AFG3L2: variants seen among roughly 807,000 people sequenced by gnomAD.
AFG3L2 encodes the protein AFG3 like matrix AAA peptidase subunit 2, also known as mitochondrial inner membrane m-AAA protease component AFG3L2.
In AFG3L2, 54 loss-of-function variants were observed where a neutral mutation model predicts 94.5. The observed-to-expected ratio is 0.57, with a 90% CI of 0.46 to 0.72. The LOEUF is 0.72. AFG3L2 is among the 30% of genes least tolerant of loss of function. AFG3L2 has a pLI of 0.00. For missense variants in AFG3L2, 754 were observed against 994.9 expected (o/e 0.76, Z 3.26); for synonymous variants, 377 against 365.5 (o/e 1.03, Z -0.36).
intron 15 of AFG3L2, among the ~76,000 whole-genome samples, chr18:12,339,981 C>T (rs1215148879): frequency 6.6e-6 from 1 of 151,656 alleles, no homozygotes; most frequent in Non-Finnish European, 1.5e-5. Context: ...GATAGAGCCA[C>T]TGCACTCCAG....
At position 12,329,352 on chromosome 18, in the gene AFG3L2, T is replaced by A; in HGVS notation, c.*213A>T. 3.0e-6 allele frequency: 2 copies of A among 672,208 alleles called. No individual in the cohort carries two copies. Among genetic ancestry groups the A allele is most frequent in the South Asian group, 3.3e-5 (2 of 61,240 alleles). 41.6% of individuals were successfully genotyped at this position (672,208 alleles called of 1,614,324 possible). On this transcript the variant is annotated 3_prime_UTR_variant, in exon 17 of 17. Transcript: ENST00000269143. ...GGAGCCCAATGAGGCTATGGGACAG[T>A]GTGCATTTCCCTCAAGGCCTCCGGA...
intron 5 of AFG3L2, 32 bp from the exon 6 acceptor site, chr18:12,363,888 T>C (rs1253081281): frequency 6.7e-7 from 1 of 1,497,412 alleles, no homozygotes; most frequent in East Asian, 2.3e-5. Flanking sequence ...CACACATAAA[T>C]TCACAGAAAA....
chr18:12,356,566 C>T, intron 9 of AFG3L2, 128 bp downstream of exon 9: 1 of 1,369,598 alleles, frequency 7.3e-7, no homozygotes, highest in Non-Finnish European at 1.0e-6. Context: ...GAGGAGAGCT[C>T]AGGCCAGGGA....
chr18:12,363,937 T>A, intron 5 of AFG3L2, 81 bp from the exon 6 acceptor site: 1 of 1,081,764 alleles, frequency 9.2e-7, no homozygotes, highest in Admixed American at 1.7e-5. Context: ...AAAATGCATA[T>A]GATGTTTCAG....
chr18:12,352,356 T>C (rs1177792365), intron 10 of AFG3L2, among the ~76,000 whole-genome samples: 1 of 151,682 alleles, frequency 6.6e-6, no homozygotes, highest in Non-Finnish European at 1.5e-5. Flanking sequence ...AGTTCAGTAC[T>C]GGCACTGTGC....
Position 12,376,964 on chromosome 18 carries a change from C to T in AFG3L2, c.114+5G>A, listed in dbSNP as rs1909179730. 2 of 1,456,122 alleles carry T rather than the reference C, an allele frequency of 1.4e-6. No homozygotes were observed. The highest frequency in any genetic ancestry group is 2.9e-5 in the African/African-American group (2 of 67,838). The allele number at this position is 1,456,122 out of a possible 1,614,324, so 90.2% of individuals were successfully genotyped here. A position where few individuals can be genotyped will look rare whatever the true frequency, so the allele number is the denominator to read the frequency against. Reference sequence around the variant, plus strand: ...GAGGGCGCCGGGCGCCCAGGTAGGACTCACCGTCCGGAGGCAGGGCTGCTC... The same window carrying T: ...GAGGGCGCCGGGCGCCCAGGTAGGATTCACCGTCCGGAGGCAGGGCTGCTC... On this transcript the variant is annotated splice_donor_5th_base_variant and intron_variant, in intron 1 of 16. Transcript: ENST00000269143.
At chr18:12,352,953 CA>C (rs1388615371) in intron 10 of AFG3L2, 51 bp downstream of exon 10, 2,563 of 1,307,902 alleles carry the variant, frequency 2.0e-3, no homozygotes, top group Middle Eastern at 4.7e-3. Context: ...GACTCCATCT[CA>C]AAAAAAAAAA....
At chr18:12,350,935 A>G (rs1908295556) in intron 12 of AFG3L2, 150 bp downstream of exon 12, 1 of 1,044,698 alleles carries the variant, frequency 9.6e-7, no homozygotes, top group African/African-American at 1.6e-5. Flanking sequence ...CAATTAAGTG[A>G]GACCCTGTCT....
In AFG3L2 at chr18:12,358,979, C is replaced by T. The variant is rs1298361923; in HGVS notation, c.753-36G>A. The T allele has an allele frequency of 1.9e-6, 3 of 1,590,868 alleles. No homozygotes were observed. The Admixed American group carries it at 5.5e-5, about 29-fold the overall frequency. On this transcript the variant is annotated intron_variant, in intron 7 of 16. Transcript: ENST00000269143. ...ACAGCGCAACACGGGTTAGGACTGG[C>T]TGCTCACCTCCAGCTTTCACATGTG...
intron 14 of AFG3L2, chr18:12,342,254 C>A (rs1309399568): frequency 6.6e-6 from 1 of 152,174 alleles, no homozygotes; most frequent in Non-Finnish European, 1.5e-5. Context: ...TTCATTTTAA[C>A]CATTCTAGCA....
At chr18:12,357,173 A>G (rs1203301315) in intron 8 of AFG3L2, among the ~76,000 whole-genome samples, 1 of 152,208 alleles carries the variant, frequency 6.6e-6, no homozygotes, top group Non-Finnish European at 1.5e-5. Context: ...AAATAATTTA[A>G]GAAGACACCA....
rs747845484 is a variant in AFG3L2 at position 12,358,904 on chromosome 18, G to A, written c.792C>T (p.Ile264=). The change falls in exon 8 of 17, where the codon ATC becomes ATT. Residue 264 remains isoleucine, a synonymous_variant. Transcript: ENST00000269143. ...LLSMLPTVLI[I]AFLLYTIRRG... ...TTCTGATGGTGTAGAGCAAGAAGGCGATGATGAGCACCGTAGGCAGCATGC... is the reference window on the plus strand; with the variant it reads ...TTCTGATGGTGTAGAGCAAGAAGGCAATGATGAGCACCGTAGGCAGCATGC... 1.6e-5 allele frequency: 26 copies of A among 1,614,016 alleles called. No individual in the cohort carries two copies. Among genetic ancestry groups the A allele is most frequent in the Admixed American group, 6.7e-5 (4 of 60,000 alleles).
In AFG3L2 at chr18:12,374,431, C is replaced by T. The variant is rs182286961; in HGVS notation, c.114+2538G>A. Among the ~76,000 whole-genome samples the T allele has an allele frequency of 3.6e-3, 545 of 152,322 alleles. 1 individual carries two copies. Among genetic ancestry groups the T allele is most frequent in the Middle Eastern group, 0.01 (3 of 294 alleles). ...CTCACCGTGAAAGCAGTACTTCTGT[C>T]TCTGATCTTTAAGGGTAGCAGGAAC... On this transcript the variant is annotated intron_variant, in intron 1 of 16. Transcript: ENST00000269143.
intron 12 of AFG3L2, among the ~76,000 whole-genome samples, chr18:12,350,779 G>T (rs1908290107): frequency 6.6e-6 from 1 of 152,082 alleles, no homozygotes; most frequent in Non-Finnish European, 1.5e-5. Context: ...GTAAGACCCT[G>T]TCTCCACAAA....
intron 12 of AFG3L2, among the ~76,000 whole-genome samples, chr18:12,350,458 T>C (rs1405828910): frequency 6.6e-6 from 1 of 152,136 alleles, no homozygotes; most frequent in Non-Finnish European, 1.5e-5. Flanking sequence ...CCTACAATAT[T>C]TATAGAAAAA....
intron 12 of AFG3L2, 146 bp downstream of exon 12, chr18:12,350,939 C>T (rs915107161): frequency 9.3e-7 from 1 of 1,074,820 alleles, no homozygotes; most frequent in Non-Finnish European, 1.4e-6. Context: ...TAAGTGAGAC[C>T]CTGTCTCAAA....
chr18:12,352,344 C>A (rs532231498), intron 10 of AFG3L2, among the ~76,000 whole-genome samples: 41 of 152,148 alleles, frequency 2.7e-4, no homozygotes, highest in African/African-American at 9.7e-4. Context: ...ATCATTGAAG[C>A]CAGTTCAGTA....
In AFG3L2 at chr18:12,337,121, C is replaced by T. The variant is rs1192750473; in HGVS notation, c.2175+220G>A. On this transcript the variant is annotated intron_variant, in intron 16 of 16. Coordinates refer to ENST00000269143, the MANE Select transcript of AFG3L2 (RefSeq NM_006796.3). Reference sequence around the variant, plus strand: ...CTTCATTAATCATTCAGTCACATTCCTAAGAGCCACAGGAGCCGGGACAGT... The same window carrying T: ...CTTCATTAATCATTCAGTCACATTCTTAAGAGCCACAGGAGCCGGGACAGT... 8.1e-6 allele frequency: 5 copies of T among 617,308 alleles called. No individual in the cohort carries two copies. In the East Asian group the frequency reaches 1.1e-4, roughly 13 times the overall value. 38.2% of individuals were successfully genotyped at this position (617,308 alleles called of 1,614,324 possible).
At chr18:12,375,342 G>A (rs1440227978) in intron 1 of AFG3L2, among the ~76,000 whole-genome samples, 1 of 137,558 alleles carries the variant, frequency 7.3e-6, no homozygotes, top group Non-Finnish European at 1.5e-5. Flanking sequence ...TCAACCTCCC[G>A]CGCCAAGCAA....
Sources: gnomAD v4.1 joint callset for allele counts (sites outside exome capture counted in the v4.1 genomes callset) on GRCh38, gnomAD v4.1.1 for gene constraint, MANE v1.5 for transcripts, NCBI Gene and HGNC (gene_info 2026-07-23, HGNC 2026-07-21) for gene names.